WDR75: variants seen among roughly 807,000 people sequenced by gnomAD.
WDR75 encodes WD repeat-containing protein 75.
A neutral mutation model predicts 106.1 loss-of-function variants in WDR75; 52 were observed. The observed-to-expected ratio is 0.49, with a 90% CI of 0.39 to 0.62. The LOEUF (loss-of-function observed/expected upper bound fraction) is 0.62, where lower values mean the gene tolerates loss of function less well. Ranked by LOEUF, WDR75 falls within the 20% of genes least tolerant of loss-of-function variation. The pLI, the probability that WDR75 is intolerant of heterozygous loss-of-function variation, is 0.00. For synonymous variants in WDR75, 333 were observed against 335.5 expected (o/e 0.99, Z 0.08); for missense variants, 905 against 970.3 (o/e 0.93, Z 0.89).
rs755799663 is a variant in WDR75 at position 189,462,524 on chromosome 2, A to G, written c.819A>G (p.Val273=). ...GTGGCGGTCGTGAATCTGTACTTGT[A>G]GAGTGGCGCGATGCAACAGAGAAGA... ...LLSGGRESVL[V]EWRDATEKNK... is the part of the protein sequence containing the mutation. The change falls in exon 9 of 21, where the codon GTA becomes GTG. Residue 273 remains valine, a synonymous_variant. Coordinates refer to ENST00000314761, the MANE Select transcript of WDR75 (RefSeq NM_032168.3). 1 of 1,614,072 alleles carries G rather than the reference A, an allele frequency of 6.2e-7. No individual in the cohort carries two copies. The highest frequency in any genetic ancestry group is 8.5e-7 in the Non-Finnish European group (1 of 1,179,976).
At position 189,457,348 on chromosome 2, in the gene WDR75, CTGTT is replaced by C. The variant is rs760111446; in HGVS notation, c.538_541del (p.Val180IlefsTer29). ...GCTGCAGTACGGGAATTTTACTTGT[CTGTT>C]TATTTTTTCAAAAAGAAAACAACAT... On this transcript the variant is annotated frameshift_variant, in exon 6 of 21. Coordinates refer to ENST00000314761, the MANE Select transcript of WDR75 (RefSeq NM_032168.3). LOFTEE classifies it high-confidence loss of function. The C allele has an allele frequency of 4.4e-6, 7 of 1,604,070 alleles. No individual in the cohort carries two copies. The highest frequency in any genetic ancestry group is 1.1e-5 in the South Asian group (1 of 90,474).
At position 189,465,366 on chromosome 2, in the gene WDR75, G is replaced by A. The variant is rs1371297782; in HGVS notation, c.1289+112G>A. On this transcript the variant is annotated intron_variant, in intron 12 of 20. Coordinates refer to ENST00000314761, the MANE Select transcript of WDR75 (RefSeq NM_032168.3). Reference sequence around the variant, plus strand: ...CATCTTGACAAGGTTTAGATTTAGAGATATGGGAGAGGTTTTATTCTAATA... The same window carrying A: ...CATCTTGACAAGGTTTAGATTTAGAAATATGGGAGAGGTTTTATTCTAATA... 4.3e-6 allele frequency: 5 copies of A among 1,162,582 alleles called. No individual in the cohort carries two copies. The East Asian group carries it at 1.3e-4, about 30-fold the overall frequency. 72.0% of individuals were successfully genotyped at this position (1,162,582 alleles called of 1,614,324 possible).
At position 189,467,458 on chromosome 2, in the gene WDR75, A is replaced by G; in HGVS notation, c.1448-10A>G. On this transcript the variant is annotated splice_polypyrimidine_tract_variant and intron_variant, in intron 13 of 20. Transcript: ENST00000314761. ...ACAATTTCTGAACATTATGGCTTAT[A>G]TTTCCACAGAAAAAGCTGTTGGCTG... 1 of 1,590,980 alleles carries G rather than the reference A, an allele frequency of 6.3e-7. No individual in the cohort carries two copies. Among genetic ancestry groups the G allele is most frequent in the Admixed American group, 1.8e-5 (1 of 56,780 alleles).
At chr2:189,457,924 C>CT (rs11395971) in intron 6 of WDR75, among the ~76,000 whole-genome samples, 81,867 of 116,266 alleles carry the variant, frequency 0.7, 31,993 homozygotes, top group Non-Finnish European at 0.86. Flanking sequence ...GCCAAGATTG[C>CT]TTTTTTTTTT....
In WDR75 at chr2:189,475,345, G is replaced by T; in HGVS notation, c.2421G>T (p.Gln807His). The T allele has an allele frequency of 6.2e-7, 1 of 1,612,630 alleles. No individual in the cohort carries two copies. Among genetic ancestry groups the T allele is most frequent in the Non-Finnish European group, 8.5e-7 (1 of 1,179,354 alleles). Residue 807 changes from glutamine (Q) to histidine (H), a missense_variant, in exon 21 of 21, where the codon CAG becomes CAT. Gln to His is a conservative substitution (Grantham distance 24, BLOSUM62 0). Transcript: ENST00000314761. ...GTTTAGGAGAAGACATTATACATCA[G>T]TTGTCAAAATCTGAAGAAAAAGAAC... The part of the protein sequence containing the change: ...NTGLGEDIIH[Q>H]LSKSEEKELR...
chr2:189,463,626 G>A, intron 9 of WDR75, 68 bp from the exon 10 acceptor site: 2 of 1,527,636 alleles, frequency 1.3e-6, no homozygotes, highest in Non-Finnish European at 1.8e-6. Flanking sequence ...AAGCCACCCT[G>A]AGCCACAGGT....
intron 6 of WDR75, among the ~76,000 whole-genome samples, chr2:189,458,035 C>T (rs1348098808): frequency 1.3e-5 from 2 of 151,158 alleles, no homozygotes; most frequent in African/African-American, 2.4e-5. Context: ...GTGATTGTCC[C>T]GTCTCAGCCT....
At position 189,466,562 on chromosome 2, in the gene WDR75, CA is replaced by C. The variant is rs1558988269; in HGVS notation, c.1428del (p.Asp477MetfsTer37). 1 of 1,612,560 alleles carries C rather than the reference CA, an allele frequency of 6.2e-7. No individual in the cohort carries two copies. The highest frequency in any genetic ancestry group is 2.2e-5 in the East Asian group (1 of 44,840). ...GGTTACTTCAAAGTATGGATATTAA[CA>C]GATGACTCTGACATATACAGTAAGT... ...KDGYFKVWIL[T>X]DDSDIYKKAV... On this transcript the variant is annotated frameshift_variant, in exon 13 of 21. Transcript: ENST00000314761. LOFTEE classifies it high-confidence loss of function.
At chr2:189,473,153 G>C (rs1687149123) in intron 18 of WDR75, among the ~76,000 whole-genome samples, 1 of 151,914 alleles carries the variant, frequency 6.6e-6, no homozygotes, top group Non-Finnish European at 1.5e-5. Context: ...GGAGATGGCG[G>C]TTGCAGTGAG....
intron 2 of WDR75, chr2:189,450,648 CT>C (rs1384751536): frequency 2.4e-5 from 31 of 1,283,788 alleles, no homozygotes; most frequent in Non-Finnish European, 5.9e-6. Context: ...ACCTTACCAT[CT>C]CCCTCTTCAA....
chr2:189,446,164 A>G (rs1230129731), intron 1 of WDR75, among the ~76,000 whole-genome samples: 1 of 152,202 alleles, frequency 6.6e-6, no homozygotes, highest in Non-Finnish European at 1.5e-5. Flanking sequence ...TTAAGTGAAA[A>G]AGTAGTTCAA....
chr2:189,467,783 G>T, intron 14 of WDR75, 135 bp downstream of exon 14: 1 of 768,288 alleles, frequency 1.3e-6, no homozygotes, highest in Non-Finnish European at 1.9e-6. Context: ...TCAAAATGCT[G>T]GAAAGCCAAA....
intron 17 of WDR75, among the ~76,000 whole-genome samples, 173 bp from the exon 18 acceptor site, chr2:189,470,646 G>A (rs959721805): frequency 4.0e-5 from 6 of 150,546 alleles, no homozygotes; most frequent in Non-Finnish European, 5.9e-5. Context: ...ACATAATCTT[G>A]TAACTCTCAT....
intron 1 of WDR75, among the ~76,000 whole-genome samples, chr2:189,442,442 C>CTTTTTTTTTTTTTTTTT (rs1188214718): frequency 1.4e-5 from 1 of 73,900 alleles, no homozygotes; most frequent in African/African-American, 5.5e-5. Flanking sequence ...CCACAATATT[C>CTTTTTTTTTTTTTTTTT]TTTTTTTTTT....
intron 8 of WDR75, among the ~76,000 whole-genome samples, chr2:189,461,779 T>C (rs1686887768): frequency 6.6e-6 from 1 of 152,188 alleles, no homozygotes; most frequent in Non-Finnish European, 1.5e-5. Flanking sequence ...TAACGTTGAA[T>C]CAAAATGGTA....
At chr2:189,452,921 A>G (rs1686657423) in intron 4 of WDR75, among the ~76,000 whole-genome samples, 1 of 152,212 alleles carries the variant, frequency 6.6e-6, no homozygotes, top group Non-Finnish European at 1.5e-5. Context: ...GTGCTTTGGG[A>G]GGCCAGGGCA....
chr2:189,458,428 A>G (rs76804711), intron 6 of WDR75, among the ~76,000 whole-genome samples: 9,862 of 152,244 alleles, frequency 0.065, 496 homozygotes, highest in African/African-American at 0.14. Context: ...TGTAGGTTCA[A>G]TGAGAAATTT....
At position 189,455,389 on chromosome 2, in the gene WDR75, C is replaced by A. The variant is rs778488445; in HGVS notation, c.443C>A (p.Ser148Tyr). The change falls in exon 5 of 21, where the codon TCC becomes TAC. Residue 148 changes from serine (S) to tyrosine (Y), a missense_variant. By Grantham distance (144) the Ser-to-Tyr change is moderately radical. Coordinates refer to ENST00000314761, the MANE Select transcript of WDR75 (RefSeq NM_032168.3). ...SSQEVEAKEL[S>Y]FVLDYINQSP... ...CAGGAAGTAGAAGCCAAGGAGCTGT[C>A]CTTTGTTTTGGATTACATAAACCAG... 3.7e-6 allele frequency: 6 copies of A among 1,614,094 alleles called. No individual in the cohort carries two copies. In the South Asian group the frequency reaches 6.6e-5, roughly 18 times the overall value.
chr2:189,474,198 G>GA lies in WDR75; in HGVS notation c.2065dup (p.Ser689LysfsTer20). The GA allele has an allele frequency of 1.2e-6, 2 of 1,609,680 alleles. No homozygotes were observed. Among genetic ancestry groups the GA allele is most frequent in the Non-Finnish European group, 1.7e-6 (2 of 1,178,884 alleles). On this transcript the variant is annotated frameshift_variant, in exon 19 of 21. Transcript: ENST00000314761. LOFTEE classifies it high-confidence loss of function. ...TAAATCCTTAAAGCTGCTAGCAGAA[G>GA]AAAGTCTTCCCACAACCCCATTTTA...
Sources: allele counts gnomAD v4.1 joint callset (sites outside exome capture counted in the v4.1 genomes callset), GRCh38; gene constraint gnomAD v4.1.1; transcripts MANE v1.5; gene names NCBI Gene and HGNC (gene_info 2026-07-23, HGNC 2026-07-21).